MARCHF1: variants seen among roughly 807,000 people sequenced by gnomAD.
MARCHF1 encodes E3 ubiquitin-protein ligase MARCHF1.
In MARCHF1, 40 loss-of-function variants were observed where a neutral mutation model predicts 54.2. The observed-to-expected ratio is 0.74, with a 90% CI of 0.57 to 0.96. The LOEUF is 0.96. Among genes scored for constraint, MARCHF1 ranks in the 40% least tolerant of loss-of-function variants. The pLI is 0.00. For missense variants in MARCHF1, 586 were observed against 656.5 expected, an observed-to-expected ratio of 0.89 and a Z score of 1.17; for synonymous variants, 236 against 236.3, an observed-to-expected ratio of 1.00 and a Z score of 0.01.
At chr4:163,759,029 A>T (rs184639205) in intron 4 of MARCHF1, among the ~76,000 whole-genome samples, 25 of 152,222 alleles carry the variant, frequency 1.6e-4, no homozygotes, top group African/African-American at 1.2e-4. Flanking sequence ...CTGAAGCATC[A>T]AAGTAATAAG....
At chr4:163,872,946 A>C (rs1750202935) in intron 3 of MARCHF1, among the ~76,000 whole-genome samples, 1 of 152,132 alleles carries the variant, frequency 6.6e-6, no homozygotes, top group Non-Finnish European at 1.5e-5. Context: ...CGGGAGGCTG[A>C]GGCAGGAGAA....
At chr4:164,248,613 T>C (rs1403579182) in intron 1 of MARCHF1, among the ~76,000 whole-genome samples, 3 of 152,016 alleles carry the variant, frequency 2.0e-5, no homozygotes, top group Middle Eastern at 3.2e-3. Context: ...TTCACAGGAA[T>C]GTTAACAGGA....
chr4:163,700,463 C>T (rs541652243), intron 5 of MARCHF1, among the ~76,000 whole-genome samples: 7 of 150,250 alleles, frequency 4.7e-5, no homozygotes, highest in Non-Finnish European at 7.4e-5. Flanking sequence ...CAAGATCTCA[C>T]CACTGCATAC....
intron 1 of MARCHF1, among the ~76,000 whole-genome samples, chr4:164,324,287 A>G (rs1214934446): frequency 6.6e-6 from 1 of 151,872 alleles, no homozygotes; most frequent in Non-Finnish European, 1.5e-5. Context: ...CTGCTGACAT[A>G]TATTGGCAAC....
chr4:164,337,242 C>A (rs1729765304), intron 1 of MARCHF1, among the ~76,000 whole-genome samples: 1 of 152,206 alleles, frequency 6.6e-6, no homozygotes, highest in South Asian at 2.1e-4. Context: ...ATGTCAGTAA[C>A]TGTGGGATTT....
chr4:163,794,018 A>C (rs187113834), intron 4 of MARCHF1, among the ~76,000 whole-genome samples: 5 of 152,324 alleles, frequency 3.3e-5, no homozygotes, highest in Admixed American at 3.3e-4. Flanking sequence ...TATCAAGTTC[A>C]GTATTATATT....
At chr4:164,352,195 T>C (rs1394727122) in intron 1 of MARCHF1, among the ~76,000 whole-genome samples, 2 of 121,996 alleles carry the variant, frequency 1.6e-5, no homozygotes, top group Non-Finnish European at 3.7e-5. Flanking sequence ...CTGCAGGATA[T>C]TATCCAGGAG....
chr4:164,298,599 C>T (rs1288959265), intron 1 of MARCHF1, among the ~76,000 whole-genome samples: 1 of 152,016 alleles, frequency 6.6e-6, no homozygotes, highest in Non-Finnish European at 1.5e-5. Flanking sequence ...AAGAGTTGGT[C>T]TTTCTATGGG....
At chr4:163,974,548 A>G (rs1752612551) in intron 3 of MARCHF1, among the ~76,000 whole-genome samples, 1 of 152,182 alleles carries the variant, frequency 6.6e-6, no homozygotes, top group African/African-American at 2.4e-5. Flanking sequence ...GAAAAACCAT[A>G]CCTGCTATAT....
intron 1 of MARCHF1, among the ~76,000 whole-genome samples, chr4:164,128,429 G>GA (rs1482494833): frequency 1.3e-5 from 2 of 151,224 alleles, no homozygotes; most frequent in African/African-American, 4.9e-5. Context: ...AAATTAAGAA[G>GA]AAAAAAGACT....
chr4:163,663,452 G>T (rs1743420567), intron 5 of MARCHF1, among the ~76,000 whole-genome samples: 3 of 151,930 alleles, frequency 2.0e-5, no homozygotes, highest in Admixed American at 2.0e-4. Context: ...TAGCACAGCT[G>T]AGTATAAATA....
chr4:163,812,348 C>T (rs1468111676), intron 4 of MARCHF1, among the ~76,000 whole-genome samples: 1 of 151,638 alleles, frequency 6.6e-6, no homozygotes, highest in African/African-American at 2.4e-5. Flanking sequence ...TACATATACA[C>T]GTATATATAC....
chr4:164,098,844 T>A (rs895671343), intron 2 of MARCHF1, among the ~76,000 whole-genome samples: 1 of 152,208 alleles, frequency 6.6e-6, no homozygotes, highest in East Asian at 1.9e-4. Context: ...CACATGACTG[T>A]CTTGTCTTTA....
intron 2 of MARCHF1, among the ~76,000 whole-genome samples, chr4:164,107,851 T>C (rs933339511): frequency 2.6e-5 from 4 of 152,068 alleles, no homozygotes; most frequent in Non-Finnish European, 4.4e-5. Flanking sequence ...GATTAAAAGT[T>C]GGAAAAAGGG....
chr4:163,764,507 T>C (rs1746920820), intron 4 of MARCHF1, among the ~76,000 whole-genome samples: 1 of 152,008 alleles, frequency 6.6e-6, no homozygotes. Context: ...TCAAAGAACA[T>C]CATAAAACAT....
intron 8 of MARCHF1, among the ~76,000 whole-genome samples, chr4:163,573,295 C>CTTATTATTA (rs34017689): frequency 0.028 from 4,058 of 144,302 alleles, 73 homozygotes; most frequent in Non-Finnish European, 0.039. Context: ...TGCTTTTTCT[C>CTTATTATTA]TTATTATTAT....
chr4:163,866,241 A>G (rs1331495347), intron 3 of MARCHF1, among the ~76,000 whole-genome samples: 3 of 151,342 alleles, frequency 2.0e-5, no homozygotes, highest in Non-Finnish European at 4.4e-5. Context: ...CCAAAAATCT[A>G]TATAGTTCTC....
At chr4:163,649,788 T>C (rs927650004) in intron 5 of MARCHF1, among the ~76,000 whole-genome samples, 4 of 151,158 alleles carry the variant, frequency 2.6e-5, no homozygotes, top group East Asian at 2.0e-4. Flanking sequence ...CCTGATACAA[T>C]TGCTGAAGGG....
chr4:163,904,812 A>T (rs977649162), intron 3 of MARCHF1, among the ~76,000 whole-genome samples: 2 of 152,160 alleles, frequency 1.3e-5, no homozygotes, highest in African/African-American at 2.4e-5. Flanking sequence ...AGAGAGACAG[A>T]GAGAGAATGA....
Sources: allele counts gnomAD v4.1 joint callset (sites outside exome capture counted in the v4.1 genomes callset), GRCh38; gene constraint gnomAD v4.1.1; transcripts MANE v1.5; gene names NCBI Gene and HGNC (gene_info 2026-07-23, HGNC 2026-07-21).